The following TLN2 variants were observed in gnomAD, a reference collection of about 807,000 sequenced individuals.
TLN2 encodes talin-2.
Under a neutral mutation model 294.7 loss-of-function variants are expected in TLN2, and 118 were observed. The ratio of observed to expected loss-of-function variants is 0.40; its 90% confidence interval spans 0.34 to 0.47. The LOEUF is 0.47. Ranked by LOEUF, TLN2 falls within the 20% of genes least tolerant of loss-of-function variation. TLN2 has a pLI of 0.84. For synonymous variants in TLN2, 1,431 were observed against 1,304.5 expected (o/e 1.10, Z -2.09); for missense variants, 3,083 against 3,282.2 (o/e 0.94, Z 1.48).
intron 1 of TLN2, among the ~76,000 whole-genome samples, chr15:62,394,145 T>C (rs893736910): frequency 5.3e-5 from 8 of 152,246 alleles, no homozygotes; most frequent in Admixed American, 4.6e-4. Context: ...TTTTAAGATT[T>C]TGTAACTTCA....
chr15:62,668,391 A>G (rs1596589407), intron 9 of TLN2, among the ~76,000 whole-genome samples: 1 of 152,304 alleles, frequency 6.6e-6, no homozygotes, highest in South Asian at 2.1e-4. Flanking sequence ...GTAGAAAATG[A>G]AGTTTTGGTG....
At chr15:62,544,862 A>G (rs750389763) in intron 1 of TLN2, among the ~76,000 whole-genome samples, 7 of 151,906 alleles carry the variant, frequency 4.6e-5, no homozygotes, top group South Asian at 4.2e-4. Flanking sequence ...TTCCTTATCA[A>G]TGCTAGTGGC....
intron 1 of TLN2, among the ~76,000 whole-genome samples, chr15:62,463,361 G>A (rs891925095): frequency 6.6e-6 from 1 of 152,112 alleles, no homozygotes; most frequent in Non-Finnish European, 1.5e-5. Flanking sequence ...TAATTGACAG[G>A]TCTTTAATTC....
At chr15:62,575,820 T>C (rs538634344) in intron 1 of TLN2, among the ~76,000 whole-genome samples, 62 of 152,344 alleles carry the variant, frequency 4.1e-4, no homozygotes, top group African/African-American at 1.4e-3. Flanking sequence ...GGAAAGCAAG[T>C]GAGTGGCTAT....
chr15:62,474,215 A>G (rs1243948715), intron 1 of TLN2, among the ~76,000 whole-genome samples: 1 of 152,202 alleles, frequency 6.6e-6, no homozygotes, highest in Non-Finnish European at 1.5e-5. Flanking sequence ...CAGAAAAGAA[A>G]TTTCAGAGGG....
intron 1 of TLN2, among the ~76,000 whole-genome samples, chr15:62,458,600 T>C (rs1422518847): frequency 2.0e-4 from 2 of 10,172 alleles, no homozygotes; most frequent in African/African-American, 2.8e-4. Flanking sequence ...ACCTCGTCTC[T>C]ACAGAAAAAA....
chr15:62,595,462 G>A (rs2046416738), intron 2 of TLN2, among the ~76,000 whole-genome samples: 1 of 150,882 alleles, frequency 6.6e-6, no homozygotes, highest in Non-Finnish European at 1.5e-5. Flanking sequence ...TGGTGAGGAT[G>A]TGGAGAAAAG....
At chr15:62,475,988 C>G (rs982255605) in intron 1 of TLN2, among the ~76,000 whole-genome samples, 1 of 152,198 alleles carries the variant, frequency 6.6e-6, no homozygotes, top group African/African-American at 2.4e-5. Context: ...CAAGGCCTAT[C>G]TTCTGAGTCT....
chr15:62,692,991 G>C lies in TLN2; in HGVS notation c.1215+50G>C, dbSNP rs778487080. The C allele has an allele frequency of 4.0e-6, 6 of 1,517,360 alleles. No individual in the cohort carries two copies. The East Asian group carries it at 1.4e-4, about 35-fold the overall frequency. The allele number at this position is 1,517,360 out of a possible 1,614,324, so 94.0% of individuals were successfully genotyped here. ...AAAAGCAAGACGGCTTTATTAAAAGGCTTGGTTTCGATGACGTGGCTACCT... is the reference window on the plus strand; with the variant it reads ...AAAAGCAAGACGGCTTTATTAAAAGCCTTGGTTTCGATGACGTGGCTACCT... On this transcript the variant is annotated intron_variant, in intron 13 of 58. Coordinates refer to ENST00000636159, the MANE Select transcript of TLN2 (RefSeq NM_015059.3).
intron 45 of TLN2, among the ~76,000 whole-genome samples, chr15:62,787,516 T>C (rs1413912822): frequency 2.6e-5 from 4 of 152,146 alleles, no homozygotes; most frequent in Non-Finnish European, 5.9e-5. Context: ...GGGTTTTTCT[T>C]GAGTCTCAAG....
chr15:62,826,716 C>G (rs1596149567), intron 54 of TLN2, among the ~76,000 whole-genome samples: 1 of 151,024 alleles, frequency 6.6e-6, no homozygotes, highest in African/African-American at 2.4e-5. Context: ...CTTGCAACAA[C>G]AAAAAAAAAA....
intron 1 of TLN2, among the ~76,000 whole-genome samples, chr15:62,504,208 A>G (rs986511412): frequency 6.6e-6 from 1 of 152,234 alleles, no homozygotes; most frequent in Non-Finnish European, 1.5e-5. Context: ...CCGTTTTTAT[A>G]GATTAGAAGA....
intron 45 of TLN2, among the ~76,000 whole-genome samples, chr15:62,790,009 T>G (rs1330079705): frequency 3.3e-5 from 5 of 152,214 alleles, no homozygotes; most frequent in Non-Finnish European, 5.9e-5. Flanking sequence ...GGTAGTTTTG[T>G]GCTGATCTCA....
intron 9 of TLN2, among the ~76,000 whole-genome samples, chr15:62,667,866 C>A (rs1000445541): frequency 6.6e-6 from 1 of 152,110 alleles, no homozygotes; most frequent in Non-Finnish European, 1.5e-5. Context: ...TAATATTTAG[C>A]CTTAACAGTG....
intron 19 of TLN2, among the ~76,000 whole-genome samples, chr15:62,704,397 G>C (rs969778538): frequency 5.3e-5 from 8 of 152,116 alleles, no homozygotes; most frequent in African/African-American, 1.9e-4. Flanking sequence ...CAGGTTTCTT[G>C]CTTCATGGGT....
intron 9 of TLN2, among the ~76,000 whole-genome samples, chr15:62,670,258 A>G (rs890666860): frequency 4.2e-4 from 64 of 152,164 alleles, no homozygotes; most frequent in African/African-American, 1.5e-3. Context: ...TCATGATGCC[A>G]CTTCCTTATT....
chr15:62,838,129 CATCTTAGAGCCTGTGGTGCTGAG>C (rs1330187762), intron 57 of TLN2: 3 of 152,184 alleles, frequency 2.0e-5, no homozygotes, highest in Non-Finnish European at 2.9e-5. Flanking sequence ...GCAGTCACTC[CATCTTAGAGCCTGTGGTGCTGAG>C]ACCCTAAAAG....
At chr15:62,726,982 G>T (rs2060474427) in intron 27 of TLN2, 105 bp from the exon 28 acceptor site, 1 of 1,184,054 alleles carries the variant, frequency 8.4e-7, no homozygotes, top group Non-Finnish European at 1.2e-6. Context: ...GTGGGAAAGA[G>T]CTAGGGCTCA....
chr15:62,785,497 T>C (rs1051021879), intron 45 of TLN2, among the ~76,000 whole-genome samples: 13 of 151,980 alleles, frequency 8.6e-5, no homozygotes, highest in African/African-American at 3.1e-4. Context: ...CCCCCTTGTC[T>C]ACAAAAATAC....
Sources: allele counts gnomAD v4.1 joint callset (sites outside exome capture counted in the v4.1 genomes callset), GRCh38; gene constraint gnomAD v4.1.1; transcripts MANE v1.5; gene names NCBI Gene and HGNC (gene_info 2026-07-23, HGNC 2026-07-21).